The following TNRC6A variants were observed in gnomAD, a reference collection of about 807,000 sequenced individuals.
TNRC6A encodes trinucleotide repeat containing adaptor 6A.
A neutral mutation model predicts 221.2 loss-of-function variants in TNRC6A; 44 were observed. The observed-to-expected ratio is 0.20, with a 90% confidence interval of 0.16 to 0.26. The LOEUF (loss-of-function observed/expected upper bound fraction) is 0.26, where lower values mean the gene tolerates loss of function less well. Ranked by LOEUF, TNRC6A falls within the 10% of genes least tolerant of loss-of-function variation. TNRC6A has a pLI of 1.00. For missense variants in TNRC6A, 2,199 were observed against 2,404.4 expected (o/e 0.91, Z 1.79); for synonymous variants, 847 against 838.5 (o/e 1.01, Z -0.18).
upstream of TNRC6A, chr16:24,729,577 C>T: frequency 2.6e-6 from 1 of 390,450 alleles, no homozygotes; most frequent in Non-Finnish European, 4.5e-6. Context: ...ATCTGCGGGT[C>T]CAGTTGCTAG....
intron 11 of TNRC6A, among the ~76,000 whole-genome samples, chr16:24,801,750 C>G (rs1316968565): frequency 6.6e-6 from 1 of 152,158 alleles, no homozygotes. Context: ...GCTGAGATTA[C>G]AAGTGTTAGC....
chr16:24,762,972 T>G (rs938427329), intron 4 of TNRC6A, among the ~76,000 whole-genome samples: 1 of 152,180 alleles, frequency 6.6e-6, no homozygotes, highest in African/African-American at 2.4e-5. Flanking sequence ...CTCTATTGAT[T>G]AAGCGTGTAG....
At chr16:24,730,904 T>C (rs1017912997) in intron 2 of TNRC6A, among the ~76,000 whole-genome samples, 6 of 151,914 alleles carry the variant, frequency 3.9e-5, no homozygotes, top group African/African-American at 1.5e-4. Context: ...GTAAAATAAT[T>C]AAAAATCTTT....
intron 2 of TNRC6A, among the ~76,000 whole-genome samples, chr16:24,716,082 A>G (rs2056308097): frequency 6.6e-6 from 1 of 151,892 alleles, no homozygotes; most frequent in South Asian, 2.1e-4. Context: ...AGACACCGAG[A>G]TACATTGCTT....
At chr16:24,761,064 T>C (rs1441702355) in intron 4 of TNRC6A, among the ~76,000 whole-genome samples, 1 of 152,234 alleles carries the variant, frequency 6.6e-6, no homozygotes, top group African/African-American at 2.4e-5. Context: ...CCAGAATTCC[T>C]GCTTCTCTTA....
In TNRC6A at chr16:24,611,102, T is replaced by G. The variant is rs1429795250; in HGVS notation, n.276+618T>G. On this transcript the variant is annotated intron_variant and non_coding_transcript_variant, in intron 1 of 2. Coordinates refer to the TNRC6A transcript ENST00000566108. ...AGCTGGGATTACAGGCATCAACCCC[T>G]GAGTCCAGCTGGATTTTCTTTTTTA... Among the ~76,000 whole-genome samples, 8 of 152,268 alleles carry G rather than the reference T, an allele frequency of 5.3e-5. No individual in the cohort carries two copies. In the East Asian group the frequency reaches 1.4e-3, roughly 26 times the overall value.
chr16:24,786,757 C>G (rs528624090), intron 5 of TNRC6A, among the ~76,000 whole-genome samples: 1 of 151,902 alleles, frequency 6.6e-6, no homozygotes, highest in Non-Finnish European at 1.5e-5. Flanking sequence ...TCTCGGCTCA[C>G]GGCAACAGCC....
chr16:24,668,157 C>T (rs1480218807), intron 2 of TNRC6A, among the ~76,000 whole-genome samples: 3 of 151,986 alleles, frequency 2.0e-5, no homozygotes, highest in African/African-American at 7.2e-5. Flanking sequence ...GTGAAACCCC[C>T]TCTCTACTAA....
chr16:24,762,686 A>G (rs1489421653), intron 4 of TNRC6A, among the ~76,000 whole-genome samples: 4 of 152,206 alleles, frequency 2.6e-5, no homozygotes, highest in African/African-American at 7.2e-5. Context: ...TTGAAAGTAG[A>G]TATTAGCACC....
At chr16:24,784,977 T>C (rs751798799) in intron 5 of TNRC6A, among the ~76,000 whole-genome samples, 4 of 152,268 alleles carry the variant, frequency 2.6e-5, no homozygotes, top group Non-Finnish European at 5.9e-5. Context: ...TGATTTCGTC[T>C]TTTACTTTTA....
At chr16:24,666,418 A>C (rs2055161590) in intron 2 of TNRC6A, among the ~76,000 whole-genome samples, 1 of 147,944 alleles carries the variant, frequency 6.8e-6, no homozygotes, top group African/African-American at 2.5e-5. Flanking sequence ...GCTTGCAGTG[A>C]GTCGAGATCG....
intron 2 of TNRC6A, among the ~76,000 whole-genome samples, chr16:24,695,969 T>G (rs2055850263): frequency 6.6e-6 from 1 of 152,110 alleles, no homozygotes; most frequent in Admixed American, 6.6e-5. Flanking sequence ...ATTCTGTCCC[T>G]CAAGATAGGA....
At chr16:24,715,407 C>G (rs570294427) in intron 2 of TNRC6A, among the ~76,000 whole-genome samples, 46 of 151,878 alleles carry the variant, frequency 3.0e-4, no homozygotes, top group African/African-American at 1.1e-3. Flanking sequence ...TGGGCACAAC[C>G]AGAGCAGCAT....
intron 1 of TNRC6A, among the ~76,000 whole-genome samples, chr16:24,627,967 G>C (rs1901119116): frequency 6.6e-6 from 1 of 151,236 alleles, no homozygotes; most frequent in African/African-American, 2.4e-5. Flanking sequence ...AAAGTGCTGG[G>C]ATTACAGGCA....
At chr16:24,721,340 T>C (rs2056407147) in intron 2 of TNRC6A, among the ~76,000 whole-genome samples, 1 of 152,134 alleles carries the variant, frequency 6.6e-6, no homozygotes, top group African/African-American at 2.4e-5. Flanking sequence ...TTACTCATAA[T>C]AGCCCCAAAC....
At chr16:24,801,148 G>T (rs1240765970) in intron 11 of TNRC6A, among the ~76,000 whole-genome samples, 2 of 152,196 alleles carry the variant, frequency 1.3e-5, no homozygotes, top group Non-Finnish European at 2.9e-5. Context: ...CAGAATAGAT[G>T]GGGCTGGTGA....
chr16:24,685,642 T>C (rs1359469505), intron 2 of TNRC6A, among the ~76,000 whole-genome samples: 1 of 152,144 alleles, frequency 6.6e-6, no homozygotes, highest in African/African-American at 2.4e-5. Context: ...CGCAGCCACA[T>C]TGTATTATTC....
chr16:24,685,766 C>T (rs1227622013), intron 2 of TNRC6A, among the ~76,000 whole-genome samples: 5 of 152,192 alleles, frequency 3.3e-5, no homozygotes, highest in African/African-American at 1.2e-4. Context: ...TCGGTTTGCT[C>T]ATCAGTAAAA....
chr16:24,710,147 C>T (rs1401774872), intron 2 of TNRC6A, among the ~76,000 whole-genome samples: 1 of 151,614 alleles, frequency 6.6e-6, no homozygotes, highest in Non-Finnish European at 1.5e-5. Context: ...ATCCCTTGAA[C>T]CCAGGAGGTG....
Sources: gnomAD v4.1 joint callset for allele counts (sites outside exome capture counted in the v4.1 genomes callset) on GRCh38, gnomAD v4.1.1 for gene constraint, MANE v1.5 for transcripts, NCBI Gene and HGNC (gene_info 2026-07-23, HGNC 2026-07-21) for gene names.